MGAT4C: variants seen among roughly 807,000 people sequenced by gnomAD.
MGAT4C encodes the protein MGAT4 family member C.
A neutral mutation model predicts 40.1 loss-of-function variants in MGAT4C; 19 were observed. The ratio of observed to expected loss-of-function variants is 0.47; its 90% CI spans 0.33 to 0.70. The LOEUF is 0.70. MGAT4C is among the 30% of genes least tolerant of loss of function. The probability of loss-of-function intolerance (pLI) is 0.02; values close to 1 mark genes in which losing one functional copy is unlikely to be tolerated. For missense variants in MGAT4C, 491 were observed against 563.2 expected (o/e 0.87, Z 1.30); for synonymous variants, 181 against 187.1 (o/e 0.97, Z 0.27).
Position 85,957,306 on chromosome 12 carries a change from T to C in MGAT4C, c.*21983A>G, listed in dbSNP as rs1882846525. 1 of 152,244 alleles carries C rather than the reference T, an allele frequency of 6.6e-6. No homozygotes were observed. The highest frequency in any genetic ancestry group is 1.5e-5 in the Non-Finnish European group (1 of 68,048). The allele number at this position is 152,244 out of a possible 1,614,324, so 9.4% of individuals were successfully genotyped here. Reference sequence around the variant, plus strand: ...AGGCCAAGGATCTTGCCCCTCATTCTATAATGAGGTCATCTCATATTATTT... The same window carrying C: ...AGGCCAAGGATCTTGCCCCTCATTCCATAATGAGGTCATCTCATATTATTT... On this transcript the variant is annotated 3_prime_UTR_variant, in exon 5 of 5. Coordinates refer to ENST00000611864, the MANE Select transcript of MGAT4C (RefSeq NM_001351288.2).
intron 1 of MGAT4C, among the ~76,000 whole-genome samples, chr12:86,160,924 T>G (rs546984217): frequency 6.6e-6 from 1 of 152,206 alleles, no homozygotes; most frequent in South Asian, 2.1e-4. Context: ...TCTATATGCA[T>G]GTATATCTTA....
chr12:86,408,946 T>C (rs1392703809), intron 3 of MGAT4C, among the ~76,000 whole-genome samples: 1 of 152,148 alleles, frequency 6.6e-6, no homozygotes, highest in African/African-American at 2.4e-5. Context: ...TTTGTGAAGA[T>C]CAGAAAAATT....
At chr12:86,174,112 CACACACACACAT>C (rs1452119469) in intron 1 of MGAT4C, among the ~76,000 whole-genome samples, 43 of 97,080 alleles carry the variant, frequency 4.4e-4, no homozygotes, top group African/African-American at 1.5e-3. Context: ...CCAAAAAAGA[CACACACACACAT>C]ACACACACAC....
intron 2 of MGAT4C, among the ~76,000 whole-genome samples, chr12:86,682,093 G>A (rs529862958): frequency 6.6e-6 from 1 of 152,142 alleles, no homozygotes; most frequent in East Asian, 1.9e-4. Flanking sequence ...GAATGCAGGT[G>A]CATGGTTGTG....
chr12:86,834,826 AACAG>A (rs1417656160), intron 1 of MGAT4C, among the ~76,000 whole-genome samples: 1 of 152,088 alleles, frequency 6.6e-6, no homozygotes, highest in East Asian at 1.9e-4. Flanking sequence ...TGGCACTGTC[AACAG>A]ACACTGTCTC....
intron 2 of MGAT4C, among the ~76,000 whole-genome samples, chr12:86,043,934 G>A (rs779914982): frequency 2.0e-5 from 3 of 152,222 alleles, no homozygotes; most frequent in Non-Finnish European, 4.4e-5. Flanking sequence ...TCATTTTGAG[G>A]TGAGAGGACA....
rs1952384982 is a variant in MGAT4C at position 86,253,391 on chromosome 12, C to A, written c.-57+2848G>T. Among the ~76,000 whole-genome samples the A allele has an allele frequency of 2.0e-5, 3 of 151,870 alleles. No individual in the cohort carries two copies. The South Asian group carries it at 6.2e-4, about 32-fold the overall frequency. On this transcript the variant is annotated intron_variant, in intron 1 of 4. Coordinates refer to ENST00000611864, the MANE Select transcript of MGAT4C (RefSeq NM_001351288.2). The stretch of plus-strand genomic sequence containing the variant: ...AAGAGAAATTGATTGATTTGGGGCA[C>A]TGAAATTTGTAAACCTGTTTCTGAG...
chr12:86,252,194 T>TA (rs144242867), intron 1 of MGAT4C, among the ~76,000 whole-genome samples: 4,371 of 152,108 alleles, frequency 0.029, 104 homozygotes, highest in African/African-American at 0.065. Context: ...AGAAAGCAGA[T>TA]AAAAAATCAC....
chr12:86,587,747 T>G (rs975887845), intron 2 of MGAT4C, among the ~76,000 whole-genome samples: 18 of 151,300 alleles, frequency 1.2e-4, no homozygotes, highest in Non-Finnish European at 2.5e-4. Flanking sequence ...TGGCTCTCTG[T>G]TTGTCTCTTA....
rs58048836 is a variant in MGAT4C at position 86,737,361 on chromosome 12, T to TTA, written c.-261-10121_-261-10120insTA. 2.7e-5 allele frequency among the ~76,000 whole-genome samples: 4 copies of TTA among 149,994 alleles called. No individual in the cohort carries two copies. The East Asian group carries it at 7.8e-4, about 29-fold the overall frequency. Reference sequence around the variant, plus strand: ...AAAATACTTTTTTTTTTTTTTTTTTTAACTTGGCCTCTTTCCTAATAACAC... The same window carrying TTA: ...AAAATACTTTTTTTTTTTTTTTTTTTTAAACTTGGCCTCTTTCCTAATAACAC... On this transcript the variant is annotated intron_variant, in intron 1 of 7. Transcript: ENST00000548651.
intron 1 of MGAT4C, among the ~76,000 whole-genome samples, chr12:86,071,747 G>A (rs1443918027): frequency 6.6e-6 from 1 of 151,984 alleles, no homozygotes; most frequent in African/African-American, 2.4e-5. Flanking sequence ...ACATATTCAA[G>A]AAATAAAGCA....
chr12:86,009,132 G>A (rs1888200526), intron 2 of MGAT4C, among the ~76,000 whole-genome samples: 1 of 151,998 alleles, frequency 6.6e-6, no homozygotes, highest in Non-Finnish European at 1.5e-5. Flanking sequence ...TACAGCTAAG[G>A]CAATACCCTT....
chr12:86,747,208 C>G (rs965598814), intron 1 of MGAT4C, among the ~76,000 whole-genome samples: 1 of 151,610 alleles, frequency 6.6e-6, no homozygotes, highest in African/African-American at 2.4e-5. Flanking sequence ...TCTTTAAACA[C>G]TGATTTATAC....
intron 1 of MGAT4C, among the ~76,000 whole-genome samples, chr12:86,803,288 G>C (rs908945025): frequency 4.5e-4 from 68 of 151,152 alleles, no homozygotes; most frequent in Admixed American, 1.1e-3. Flanking sequence ...AGATTTAAAC[G>C]TTAGACCTAA....
intron 2 of MGAT4C, among the ~76,000 whole-genome samples, chr12:86,624,196 T>C (rs1009826849): frequency 6.6e-6 from 1 of 152,134 alleles, no homozygotes; most frequent in Non-Finnish European, 1.5e-5. Context: ...TACCCACAAA[T>C]TTAAAACTAC....
chr12:86,517,174 G>A (rs1013980797), intron 2 of MGAT4C, among the ~76,000 whole-genome samples: 5 of 152,120 alleles, frequency 3.3e-5, no homozygotes, highest in African/African-American at 1.2e-4. Flanking sequence ...TAATGTTTTT[G>A]ATGTTGATGA....
At chr12:86,456,252 CA>C (rs1184460843) in intron 2 of MGAT4C, among the ~76,000 whole-genome samples, 20 of 152,106 alleles carry the variant, frequency 1.3e-4, no homozygotes, top group African/African-American at 4.3e-4. Context: ...TCATCATCAT[CA>C]TGATGTTACA....
chr12:86,020,438 T>A (rs965976213), intron 2 of MGAT4C, among the ~76,000 whole-genome samples: 1 of 152,186 alleles, frequency 6.6e-6, no homozygotes, highest in Non-Finnish European at 1.5e-5. Context: ...GCTGCATATC[T>A]GCAACTATCT....
At chr12:86,320,774 C>T (rs1954365539) in intron 4 of MGAT4C, among the ~76,000 whole-genome samples, 1 of 152,016 alleles carries the variant, frequency 6.6e-6, no homozygotes, top group African/African-American at 2.4e-5. Flanking sequence ...GTCATTAAGC[C>T]CTAGGCATGA....
Sources: allele counts gnomAD v4.1 joint callset (sites outside exome capture counted in the v4.1 genomes callset), GRCh38; gene constraint gnomAD v4.1.1; transcripts MANE v1.5; gene names NCBI Gene and HGNC (gene_info 2026-07-23, HGNC 2026-07-21).